DLG2: variants seen among roughly 807,000 people sequenced by gnomAD.
DLG2 encodes the protein discs large MAGUK scaffold protein 2.
In DLG2, 45 loss-of-function variants were observed where a neutral mutation model predicts 132.5. That is an observed-to-expected ratio of 0.34 (90% CI 0.27 to 0.44). The LOEUF (loss-of-function observed/expected upper bound fraction) is 0.44. DLG2 is among the 20% of genes least tolerant of loss of function. DLG2 has a pLI of 1.00. For synonymous variants in DLG2, 424 were observed against 419.6 expected, an observed-to-expected ratio of 1.01 and a Z score of -0.13; for missense variants, 1,045 against 1,196.9, an observed-to-expected ratio of 0.87 and a Z score of 1.87.
intron 3 of DLG2, among the ~76,000 whole-genome samples, chr11:85,391,482 C>T (rs1276030035): frequency 6.6e-6 from 1 of 151,710 alleles, no homozygotes; most frequent in Non-Finnish European, 1.5e-5. Context: ...AGGACATAAC[C>T]AAAAGAGAAA....
chr11:85,396,136 G>C (rs559886234), intron 3 of DLG2, among the ~76,000 whole-genome samples: 1 of 152,194 alleles, frequency 6.6e-6, no homozygotes, highest in Non-Finnish European at 1.5e-5. Context: ...AACAGTGTCT[G>C]GAGTGGACCT....
chr11:85,558,073 A>C lies in DLG2; in HGVS notation c.40+40584T>G, dbSNP rs543035513. Reference sequence around the variant, plus strand: ...AAACTATGCATCCAACAAAGGTCTAATATCCTGAATCTATAAGGAACTTAA... The same window carrying C: ...AAACTATGCATCCAACAAAGGTCTACTATCCTGAATCTATAAGGAACTTAA... On this transcript the variant is annotated intron_variant, in intron 3 of 27. Transcript: ENST00000376104. Among the ~76,000 whole-genome samples the C allele has an allele frequency of 2.2e-4, 33 of 152,066 alleles. No individual in the cohort carries two copies. In the South Asian group the frequency reaches 5.6e-3, roughly 26 times the overall value.
chr11:85,181,234 GTGTATATATA>G (rs1209030032), intron 4 of DLG2, among the ~76,000 whole-genome samples: 1 of 150,970 alleles, frequency 6.6e-6, no homozygotes, highest in Admixed American at 6.6e-5. Flanking sequence ...ATATGTATAT[GTGTATATATA>G]TGTGTATATA....
intron 6 of DLG2, among the ~76,000 whole-genome samples, chr11:84,876,493 G>A (rs1248420596): frequency 6.6e-6 from 1 of 152,138 alleles, no homozygotes; most frequent in Non-Finnish European, 1.5e-5. Flanking sequence ...AGTATTCTCT[G>A]ATGGTAGTTT....
chr11:84,716,172 C>A (rs2061201638), intron 6 of DLG2, among the ~76,000 whole-genome samples: 1 of 152,040 alleles, frequency 6.6e-6, no homozygotes, highest in African/African-American at 2.4e-5. Context: ...CGATGTTGAG[C>A]ACCTCTCCTT....
At chr11:83,548,520 G>A (rs938990375) in intron 19 of DLG2, among the ~76,000 whole-genome samples, 1 of 152,114 alleles carries the variant, frequency 6.6e-6, no homozygotes, top group Non-Finnish European at 1.5e-5. Flanking sequence ...CCACCAGTTT[G>A]AGGATTCTGT....
At chr11:84,098,473 T>TA (rs1291862484) in intron 10 of DLG2, among the ~76,000 whole-genome samples, 1 of 152,216 alleles carries the variant, frequency 6.6e-6, no homozygotes, top group Non-Finnish European at 1.5e-5. Context: ...ATGGTTTTTT[T>TA]AGACTCTTTT....
chr11:83,562,152 G>A (rs1042102705), intron 19 of DLG2, among the ~76,000 whole-genome samples: 1 of 152,034 alleles, frequency 6.6e-6, no homozygotes, highest in Non-Finnish European at 1.5e-5. Context: ...CTCCCAAAGT[G>A]CTGGGATTAC....
At chr11:85,216,683 C>T (rs193037586) in intron 4 of DLG2, among the ~76,000 whole-genome samples, 3 of 151,922 alleles carry the variant, frequency 2.0e-5, no homozygotes, top group African/African-American at 7.3e-5. Flanking sequence ...TGAGAAGCAC[C>T]CTTATGGTTA....
intron 6 of DLG2, among the ~76,000 whole-genome samples, chr11:84,590,246 G>T (rs1336432298): frequency 1.3e-5 from 2 of 152,140 alleles, no homozygotes; most frequent in Admixed American, 1.3e-4. Context: ...ATTTAAATGT[G>T]GTAATGGCAG....
intron 6 of DLG2, among the ~76,000 whole-genome samples, chr11:84,568,115 G>A (rs1355585104): frequency 6.6e-6 from 1 of 152,108 alleles, no homozygotes; most frequent in Non-Finnish European, 1.5e-5. Flanking sequence ...AGACCACCTG[G>A]AGTCAGGTAG....
chr11:83,935,773 C>T (rs995762150), intron 14 of DLG2, among the ~76,000 whole-genome samples: 1 of 152,068 alleles, frequency 6.6e-6, no homozygotes, highest in Non-Finnish European at 1.5e-5. Flanking sequence ...TTATAAATTG[C>T]AAAATTATGC....
chr11:83,951,673 G>T (rs769501944), intron 14 of DLG2, among the ~76,000 whole-genome samples: 10 of 152,218 alleles, frequency 6.6e-5, no homozygotes, highest in Non-Finnish European at 1.5e-4. Flanking sequence ...CTGAGTATCA[G>T]TGAAGGGAGT....
intron 19 of DLG2, among the ~76,000 whole-genome samples, chr11:83,578,577 T>C (rs1437977133): frequency 1.3e-5 from 2 of 152,102 alleles, no homozygotes; most frequent in Non-Finnish European, 2.9e-5. Flanking sequence ...AAAAAATATA[T>C]ACCATATTGA....
At chr11:83,785,978 G>A (rs537257573) in intron 18 of DLG2, among the ~76,000 whole-genome samples, 8 of 152,150 alleles carry the variant, frequency 5.3e-5, no homozygotes, top group African/African-American at 7.2e-5. Flanking sequence ...CATTAAGTAC[G>A]TTTCATTTCC....
chr11:84,861,616 A>C (rs2083650823), intron 6 of DLG2, among the ~76,000 whole-genome samples: 1 of 109,700 alleles, frequency 9.1e-6, no homozygotes, highest in Admixed American at 9.2e-5. Context: ...GCTTCTACAC[A>C]GCAAAAAAAA....
chr11:84,195,183 G>C (rs2096492453), intron 8 of DLG2, among the ~76,000 whole-genome samples: 1 of 151,918 alleles, frequency 6.6e-6, no homozygotes, highest in Non-Finnish European at 1.5e-5. Flanking sequence ...ATATTTTTTT[G>C]AGATGGAGTC....
chr11:84,715,149 T>G (rs1233834869), intron 6 of DLG2, among the ~76,000 whole-genome samples: 2 of 152,138 alleles, frequency 1.3e-5, no homozygotes, highest in Admixed American at 1.3e-4. Flanking sequence ...AAAACAATAT[T>G]GAAGATACCT....
intron 6 of DLG2, among the ~76,000 whole-genome samples, chr11:85,004,568 A>AT (rs1393438284): frequency 5.9e-5 from 9 of 151,412 alleles, no homozygotes; most frequent in African/African-American, 1.7e-4. Flanking sequence ...GATGCGGTTG[A>AT]TTTTTTCTTG....
Sources: gnomAD v4.1 joint callset for allele counts (sites outside exome capture counted in the v4.1 genomes callset) on GRCh38, gnomAD v4.1.1 for gene constraint, MANE v1.5 for transcripts, NCBI Gene and HGNC (gene_info 2026-07-23, HGNC 2026-07-21) for gene names.